SEPTIN14: variants seen among roughly 807,000 people sequenced by gnomAD.
The protein encoded by SEPTIN14 is septin-14.
Under a neutral mutation model 53.6 loss-of-function variants are expected in SEPTIN14, and 40 were observed. That is an observed-to-expected ratio of 0.75 (90% CI 0.58 to 0.97). SEPTIN14 has a LOEUF of 0.97. Ranked by LOEUF, SEPTIN14 falls within the 50% of genes least tolerant of loss-of-function variation. The pLI is 0.00. For missense variants in SEPTIN14, 471 were observed against 508.2 expected, an observed-to-expected ratio of 0.93 and a Z score of 0.70; for synonymous variants, 138 against 166.8, an observed-to-expected ratio of 0.83 and a Z score of 1.33.
At chr7:55,830,349 A>ATATATATTTTT (rs71015108) in intron 6 of SEPTIN14, among the ~76,000 whole-genome samples, 9 of 56,846 alleles carry the variant, frequency 1.6e-4, no homozygotes, top group Non-Finnish European at 2.2e-4. Flanking sequence ...ATATATATAT[A>ATATATATTTTT]TTTTTTTTTT....
rs138813664 is a variant in SEPTIN14, at chr7:55,848,388, C to G, written c.55-1751G>C. 8.5e-5 allele frequency among the ~76,000 whole-genome samples: 13 copies of G among 152,248 alleles called. No homozygotes were observed. The East Asian group carries it at 2.5e-3, about 29-fold the overall frequency. On this transcript the variant is annotated intron_variant, in intron 2 of 9. Transcript: ENST00000388975. ...TGTTGGCCAGGCTGGTCTCGAACTCCTGACCTCAGGTGATGCGCCTGCCTC... is the reference window on the plus strand; with the variant it reads ...TGTTGGCCAGGCTGGTCTCGAACTCGTGACCTCAGGTGATGCGCCTGCCTC...
chr7:55,822,921 C>T (rs563729617), intron 6 of SEPTIN14, among the ~76,000 whole-genome samples: 2 of 151,414 alleles, frequency 1.3e-5, no homozygotes, highest in South Asian at 2.1e-4. Context: ...CCAGAACACA[C>T]GGCCCTCCTG....
intron 2 of SEPTIN14, among the ~76,000 whole-genome samples, chr7:55,850,360 C>A (rs1324916433): frequency 6.6e-6 from 1 of 152,122 alleles, no homozygotes. Flanking sequence ...ATCCCAGCTA[C>A]CTGGGAGGCT....
intron 6 of SEPTIN14, among the ~76,000 whole-genome samples, chr7:55,833,257 G>A (rs1267578230): frequency 6.6e-6 from 1 of 151,968 alleles, no homozygotes; most frequent in East Asian, 1.9e-4. Context: ...AGAGGTTGCA[G>A]TGAGCTGAGA....
chr7:55,832,352 T>C (rs1789124629), intron 6 of SEPTIN14, among the ~76,000 whole-genome samples: 1 of 152,040 alleles, frequency 6.6e-6, no homozygotes, highest in South Asian at 2.1e-4. Flanking sequence ...AGCATAGAGA[T>C]TTCTCGAAGC....
At chr7:55,855,619 G>A (rs1053860716) in intron 2 of SEPTIN14, among the ~76,000 whole-genome samples, 2 of 151,766 alleles carry the variant, frequency 1.3e-5, no homozygotes, top group Admixed American at 6.6e-5. Context: ...GCAGTGGTGC[G>A]ATCTCGGCTC....
intron 7 of SEPTIN14, 54 bp downstream of exon 7, chr7:55,819,073 G>A (rs2115993458): frequency 1.1e-6 from 1 of 947,688 alleles, no homozygotes; most frequent in Non-Finnish European, 1.7e-6. Context: ...GACTATGAGT[G>A]ATACACATAT....
At chr7:55,839,514 T>C (rs1789269317) in intron 5 of SEPTIN14, among the ~76,000 whole-genome samples, 1 of 152,124 alleles carries the variant, frequency 6.6e-6, no homozygotes, top group Admixed American at 6.6e-5. Flanking sequence ...TCGGTCTGCA[T>C]CTAAGAAACT....
chr7:55,809,215 A>G (rs549482343), intron 7 of SEPTIN14, among the ~76,000 whole-genome samples: 2 of 152,262 alleles, frequency 1.3e-5, no homozygotes, highest in African/African-American at 2.4e-5. Context: ...AATATTGAGA[A>G]CACATAGACA....
intron 1 of SEPTIN14, 140 bp downstream of exon 1, chr7:55,862,548 A>C (rs1455084927): frequency 6.5e-6 from 1 of 152,918 alleles, no homozygotes; most frequent in African/African-American, 2.4e-5. Context: ...TGAAGCATCT[A>C]TTATACAGCT....
intron 6 of SEPTIN14, among the ~76,000 whole-genome samples, chr7:55,823,736 T>C (rs1261898458): frequency 6.6e-6 from 1 of 152,216 alleles, no homozygotes; most frequent in Non-Finnish European, 1.5e-5. Flanking sequence ...CTCTTCAGCA[T>C]ACAGCCTAAG....
chr7:55,834,272 A>T (rs1789163419), intron 6 of SEPTIN14, among the ~76,000 whole-genome samples, 153 bp downstream of exon 6: 1 of 152,232 alleles, frequency 6.6e-6, no homozygotes, highest in South Asian at 2.1e-4. Flanking sequence ...CTTGAGGAAC[A>T]TGCTGTATGA....
chr7:55,813,257 G>A (rs1301385096), intron 7 of SEPTIN14, among the ~76,000 whole-genome samples: 1 of 152,144 alleles, frequency 6.6e-6, no homozygotes, highest in Non-Finnish European at 1.5e-5. Context: ...GCCAAAGGGA[G>A]CATTTAACCT....
At chr7:55,842,098 G>A (rs933241298) in intron 5 of SEPTIN14, among the ~76,000 whole-genome samples, 8 of 152,012 alleles carry the variant, frequency 5.3e-5, no homozygotes, top group East Asian at 1.9e-4. Flanking sequence ...ACAGTATTCC[G>A]TACAGTACCA....
At chr7:55,805,792 A>G (rs1330048469) in intron 8 of SEPTIN14, among the ~76,000 whole-genome samples, 1 of 152,204 alleles carries the variant, frequency 6.6e-6, no homozygotes, top group African/African-American at 2.4e-5. Flanking sequence ...AGGATATCAT[A>G]CATTTTCATA....
intron 6 of SEPTIN14, among the ~76,000 whole-genome samples, chr7:55,830,543 T>C (rs1217026992): frequency 1.3e-5 from 2 of 150,314 alleles, no homozygotes; most frequent in Non-Finnish European, 3.0e-5. Context: ...AGGGGTTTCA[T>C]GGTGTTGGCC....
intron 9 of SEPTIN14, among the ~76,000 whole-genome samples, chr7:55,799,351 CA>C (rs57842949): frequency 0.098 from 10,214 of 104,692 alleles, 377 homozygotes; most frequent in African/African-American, 0.12. Flanking sequence ...ACTAAAAATA[CA>C]AAAAAAAAAA....
intron 7 of SEPTIN14, among the ~76,000 whole-genome samples, chr7:55,816,257 C>T (rs1054208719): frequency 2.6e-5 from 4 of 151,640 alleles, no homozygotes; most frequent in African/African-American, 9.7e-5. Context: ...TATATAGTTA[C>T]ATAGAATGAA....
chr7:55,835,601 A>G (rs957744065), intron 5 of SEPTIN14, among the ~76,000 whole-genome samples: 2 of 152,092 alleles, frequency 1.3e-5, no homozygotes, highest in African/African-American at 2.4e-5. Context: ...TTGTCCTTCT[A>G]CTTTTTACAT....
Sources: allele counts gnomAD v4.1 joint callset (sites outside exome capture counted in the v4.1 genomes callset), GRCh38; gene constraint gnomAD v4.1.1; transcripts MANE v1.5; gene names NCBI Gene and HGNC (gene_info 2026-07-23, HGNC 2026-07-21).